The following CFAP20DC variants were observed in gnomAD, a reference collection of about 807,000 sequenced individuals.
CFAP20DC encodes the protein protein CFAP20DC.
A neutral mutation model predicts 101.7 loss-of-function variants in CFAP20DC; 84 were observed. The observed-to-expected ratio is 0.83, with a 90% CI of 0.69 to 0.99. The LOEUF (loss-of-function observed/expected upper bound fraction) is 0.99. Ranked by LOEUF, CFAP20DC falls within the 50% of genes least tolerant of loss-of-function variation. CFAP20DC has a pLI of 0.00. For synonymous variants in CFAP20DC, 359 were observed against 351.2 expected, an observed-to-expected ratio of 1.02 and a Z score of -0.25; for missense variants, 1,007 against 970.3, an observed-to-expected ratio of 1.04 and a Z score of -0.50.
downstream of CFAP20DC, chr3:58,737,353 C>G (rs1490590374): frequency 2.8e-5 from 11 of 399,562 alleles, no homozygotes; most frequent in Admixed American, 3.3e-4. The surrounding 1 kb of genome is among the most constrained non-coding windows in gnomAD (Gnocchi z 4.1). Flanking sequence ...ACTAACCAAA[C>G]AAGCAAGCAA....
rs2067516824 is a variant in CFAP20DC at position 58,724,300 on chromosome 3, G to A, written c.198-6672C>T. ...AGCAGTGTTGGGAAAAGGGCTTGTG[G>A]GGTGCCTGTATAAACTGGCCATAAA... On this transcript the variant is annotated intron_variant, in intron 3 of 3. Transcript: ENST00000486145. This position sits in a 1 kb window ranked among gnomAD's most constrained non-coding sequence, Gnocchi z 5.6. Among the ~76,000 whole-genome samples, 1 of 152,170 alleles carries A rather than the reference G, an allele frequency of 6.6e-6. No individual in the cohort carries two copies. Among genetic ancestry groups the A allele is most frequent in the African/African-American group, 2.4e-5 (1 of 41,426 alleles).
intron 4 of CFAP20DC, among the ~76,000 whole-genome samples, chr3:58,949,944 T>G (rs930280142): frequency 6.6e-6 from 1 of 152,086 alleles, no homozygotes; most frequent in Non-Finnish European, 1.5e-5. Context: ...GAGAAGGAAA[T>G]AAAGGGCATT....
intron 4 of CFAP20DC, among the ~76,000 whole-genome samples, chr3:58,982,544 A>G (rs1002302264): frequency 6.6e-6 from 1 of 152,086 alleles, no homozygotes; most frequent in Non-Finnish European, 1.5e-5. Context: ...TGAAGAGTTC[A>G]TGTCCTTTGT....
intron 6 of CFAP20DC, among the ~76,000 whole-genome samples, chr3:58,890,556 G>T (rs1022066099): frequency 6.6e-6 from 1 of 150,858 alleles, no homozygotes; most frequent in African/African-American, 2.4e-5. Flanking sequence ...CGGCTAGCCG[G>T]GTGGGGGGCT....
At chr3:58,815,127 C>A (rs1427732555) in intron 14 of CFAP20DC, among the ~76,000 whole-genome samples, 2 of 150,262 alleles carry the variant, frequency 1.3e-5, no homozygotes, top group Non-Finnish European at 3.0e-5. Context: ...GCTACAGTAA[C>A]CAAAACAGCA....
chr3:58,826,099 T>G (rs1442703798), intron 14 of CFAP20DC, among the ~76,000 whole-genome samples: 1 of 152,170 alleles, frequency 6.6e-6, no homozygotes, highest in Non-Finnish European at 1.5e-5. Context: ...AATGCTAAAC[T>G]GAATGGGACC....
At chr3:58,805,420 A>C (rs959163265) in intron 15 of CFAP20DC, among the ~76,000 whole-genome samples, 6 of 152,178 alleles carry the variant, frequency 3.9e-5, no homozygotes, top group African/African-American at 1.2e-4. Flanking sequence ...CCCGTATCTT[A>C]CTTAACAACC....
At chr3:58,996,313 T>A (rs2093132354) in intron 4 of CFAP20DC, among the ~76,000 whole-genome samples, 1 of 152,224 alleles carries the variant, frequency 6.6e-6, no homozygotes, top group Admixed American at 6.5e-5. Flanking sequence ...GTCTTCCTGA[T>A]ATCTGGGAAA....
At chr3:59,043,893 CA>C (rs984629653) in intron 3 of CFAP20DC, among the ~76,000 whole-genome samples, 3 of 152,040 alleles carry the variant, frequency 2.0e-5, no homozygotes, top group Non-Finnish European at 4.4e-5. Context: ...CATAGTATGG[CA>C]AATTTAACAA....
At chr3:58,746,617 G>A (rs1239890238) in intron 16 of CFAP20DC, among the ~76,000 whole-genome samples, 5 of 152,098 alleles carry the variant, frequency 3.3e-5, no homozygotes, top group African/African-American at 9.7e-5. Context: ...CAATAACTGC[G>A]ATATAAATGC....
chr3:58,716,320 C>T (rs895751958), downstream of CFAP20DC, among the ~76,000 whole-genome samples: 2 of 151,406 alleles, frequency 1.3e-5, no homozygotes, highest in Non-Finnish European at 2.9e-5. Context: ...CGCCACCACG[C>T]CCGGCTAATT....
In CFAP20DC at chr3:59,014,677, TGA is replaced by T. The variant is rs2093653878; in HGVS notation, c.278+24878_278+24879del. 6.6e-6 allele frequency among the ~76,000 whole-genome samples: 1 copy of T among 152,092 alleles called. No individual in the cohort carries two copies. The highest frequency in any genetic ancestry group is 1.5e-5 in the Non-Finnish European group (1 of 68,008). On this transcript the variant is annotated intron_variant, in intron 4 of 16. Transcript: ENST00000482387. This position sits in a 1 kb window ranked among gnomAD's most constrained non-coding sequence, Gnocchi z 4.9. ...GTTAACAGACATCTGATGTTTGAAG[TGA>T]GAGTAATTTATTTACTAACGGCTAA...
At chr3:58,832,213 G>A (rs984938316) in intron 13 of CFAP20DC, among the ~76,000 whole-genome samples, 4 of 152,060 alleles carry the variant, frequency 2.6e-5, no homozygotes, top group African/African-American at 7.2e-5. Flanking sequence ...ACTTCCTCAG[G>A]GAAGCCTTTC....
At chr3:58,765,285 C>T (rs1288379131) in intron 15 of CFAP20DC, among the ~76,000 whole-genome samples, 2 of 151,950 alleles carry the variant, frequency 1.3e-5, no homozygotes, top group African/African-American at 2.4e-5. Context: ...TACATCTACA[C>T]ACACACACAC....
intron 16 of CFAP20DC, among the ~76,000 whole-genome samples, chr3:58,753,494 G>A (rs1575552370): frequency 6.6e-6 from 1 of 152,142 alleles, no homozygotes; most frequent in Admixed American, 6.6e-5. Context: ...TTCAGATGAA[G>A]GTCAATTTGA....
intron 12 of CFAP20DC, chr3:58,862,889 ATGTATT>A: frequency 1.0e-6 from 1 of 981,232 alleles, no homozygotes; most frequent in Non-Finnish European, 1.2e-6. Context: ...AAAGTTATCA[ATGTATT>A]AGGTTTTAAA....
At chr3:58,731,428 C>G (rs1400644928) in intron 3 of CFAP20DC, among the ~76,000 whole-genome samples, 1 of 152,134 alleles carries the variant, frequency 6.6e-6, no homozygotes, top group Non-Finnish European at 1.5e-5. Flanking sequence ...CATTTCAGAA[C>G]AAGTGGAGGG....
intron 4 of CFAP20DC, among the ~76,000 whole-genome samples, chr3:59,009,360 G>A (rs2093524352): frequency 6.6e-6 from 1 of 151,924 alleles, no homozygotes; most frequent in African/African-American, 2.4e-5. Context: ...AATTCAGAAG[G>A]TTGATTATTA....
intron 5 of CFAP20DC, among the ~76,000 whole-genome samples, chr3:58,916,164 A>G (rs1351580912): frequency 6.6e-6 from 1 of 151,766 alleles, no homozygotes; most frequent in Non-Finnish European, 1.5e-5. Context: ...ATTTTCTTTG[A>G]CTCTAAGTCT....
Sources: gnomAD v4.1 joint callset for allele counts (sites outside exome capture counted in the v4.1 genomes callset) on GRCh38, gnomAD v4.1.1 for gene constraint, Gnocchi (gnomAD v3.1) non-coding constraint, MANE v1.5 for transcripts, NCBI Gene and HGNC (gene_info 2026-07-23, HGNC 2026-07-21) for gene names.